PRKCA: variants seen among roughly 807,000 people sequenced by gnomAD.
PRKCA encodes the protein protein kinase C alpha, also known as protein kinase C alpha type.
A neutral mutation model predicts 87.0 loss-of-function variants in PRKCA; 27 were observed. The observed-to-expected ratio is 0.31, with a 90% CI of 0.23 to 0.43. The LOEUF is 0.43. PRKCA is among the 20% of genes least tolerant of loss of function. The pLI, the probability that PRKCA is intolerant of heterozygous loss-of-function variation, is 1.00. For missense variants in PRKCA, 518 were observed against 852.3 expected, an observed-to-expected ratio of 0.61 and a Z score of 4.88; for synonymous variants, 329 against 311.1, an observed-to-expected ratio of 1.06 and a Z score of -0.61.
intron 13 of PRKCA, among the ~76,000 whole-genome samples, chr17:66,753,731 G>T (rs1974486381): frequency 6.6e-6 from 1 of 152,138 alleles, no homozygotes; most frequent in Non-Finnish European, 1.5e-5. Context: ...GATCTGATAG[G>T]ATTAGTGTTC....
chr17:66,354,799 T>C (rs183908269), intron 2 of PRKCA, among the ~76,000 whole-genome samples: 1 of 152,212 alleles, frequency 6.6e-6, no homozygotes, highest in Non-Finnish European at 1.5e-5. Context: ...AATAAAGTAC[T>C]TTTTTTTCCT....
Position 66,803,744 on chromosome 17 carries a change from C to T in PRKCA, c.1855-129C>T, listed in dbSNP as rs112160620. The T allele has an allele frequency of 3.2e-4, 414 of 1,303,376 alleles. 4 individuals are homozygous for T. The African/African-American group carries it at 4.4e-3, about 14-fold the overall frequency. The allele number at this position is 1,303,376 out of a possible 1,614,324, so 80.7% of individuals were successfully genotyped here. A position where few individuals can be genotyped will look rare whatever the true frequency, so the allele number is the denominator to read the frequency against. ...CAATCCAATAGGCCTGCAAGTCCTCCGAGATTCCTCCTCCTAACCAGCCCG... is the reference window on the plus strand; with the variant it reads ...CAATCCAATAGGCCTGCAAGTCCTCTGAGATTCCTCCTCCTAACCAGCCCG... On this transcript the variant is annotated intron_variant, in intron 16 of 16. Transcript: ENST00000413366. This position sits in a 1 kb window ranked among gnomAD's most constrained non-coding sequence, Gnocchi z 4.4.
chr17:66,707,674 T>A (rs1973224312), intron 8 of PRKCA, among the ~76,000 whole-genome samples: 1 of 152,202 alleles, frequency 6.6e-6, no homozygotes, highest in Non-Finnish European at 1.5e-5. Context: ...TCCCTGGGGC[T>A]AGAGACAGAA....
intron 2 of PRKCA, among the ~76,000 whole-genome samples, chr17:66,457,721 G>C (rs777302030): frequency 2.0e-5 from 3 of 152,114 alleles, no homozygotes. Context: ...CTTGCTGCCA[G>C]CATGTGAAGA....
intron 2 of PRKCA, among the ~76,000 whole-genome samples, chr17:66,410,207 A>ATT (rs34604742): frequency 0.13 from 18,710 of 149,028 alleles, 1,481 homozygotes; most frequent in East Asian, 0.28. Context: ...ACCAACAGAG[A>ATT]TTTTTTTTTT....
At chr17:66,796,850 C>G in intron 16 of PRKCA, 1 of 985,408 alleles carries the variant, frequency 1.0e-6, no homozygotes, top group Non-Finnish European at 1.2e-6. Context: ...AGTGAGGGTT[C>G]CCCTACGATG....
intron 3 of PRKCA, among the ~76,000 whole-genome samples, chr17:66,559,655 A>T (rs1204750129): frequency 6.6e-6 from 1 of 152,030 alleles, no homozygotes. Context: ...TGATGGACTT[A>T]TAAGTCTTCA....
intron 10 of PRKCA, among the ~76,000 whole-genome samples, chr17:66,736,237 G>C (rs1168504708): frequency 6.6e-6 from 1 of 150,604 alleles, no homozygotes; most frequent in Non-Finnish European, 1.5e-5. Context: ...ACTGTGCTCA[G>C]ACTTTGGGAT....
chr17:66,640,522 T>C (rs561638483), intron 3 of PRKCA, among the ~76,000 whole-genome samples: 9 of 152,314 alleles, frequency 5.9e-5, no homozygotes, highest in Non-Finnish European at 1.0e-4. Context: ...AAGCATAAAA[T>C]ACTTTGGAGA....
intron 2 of PRKCA, among the ~76,000 whole-genome samples, chr17:66,414,174 A>G (rs566622363): frequency 5.9e-5 from 9 of 152,234 alleles, no homozygotes; most frequent in Admixed American, 5.2e-4. Context: ...CACATCTCAT[A>G]GGAATTGTGA....
Position 66,790,849 on chromosome 17 carries a change from C to T in PRKCA, c.1854+1870C>T, listed in dbSNP as rs190122218. Among the ~76,000 whole-genome samples the T allele has an allele frequency of 1.0e-3, 154 of 151,830 alleles. 2 individuals carry two copies. The highest frequency in any genetic ancestry group is 3.4e-3 in the Middle Eastern group (1 of 292). On this transcript the variant is annotated intron_variant, in intron 16 of 16. Transcript: ENST00000413366. ...CTCGGATATAGGGAAGACAACAGGG[C>T]GACTTGGCTCCGCAGGCAAGAATGT... is the stretch of plus-strand genomic sequence containing the variant.
intron 5 of PRKCA, among the ~76,000 whole-genome samples, chr17:66,673,177 A>C (rs1006360687): frequency 2.6e-5 from 4 of 152,218 alleles, no homozygotes; most frequent in Non-Finnish European, 5.9e-5. Context: ...TAATTGTAAA[A>C]GGGAAAGTAA....
chr17:66,745,861 C>T (rs532411600), intron 13 of PRKCA, among the ~76,000 whole-genome samples: 1 of 152,252 alleles, frequency 6.6e-6, no homozygotes, highest in East Asian at 1.9e-4. Flanking sequence ...GCCCAGGTCA[C>T]CTCCAAACCT....
At position 66,804,649 on chromosome 17, in the gene PRKCA, G is replaced by T. The variant is rs1306589343; in HGVS notation, c.*612G>T. ...CCCAACCATGGTCCAGCAGTTACCA[G>T]TTTAAACAAAAAAACCTCAGATGAG... On this transcript the variant is annotated 3_prime_UTR_variant, in exon 17 of 17. Coordinates refer to ENST00000413366, the MANE Select transcript of PRKCA (RefSeq NM_002737.3). The T allele has an allele frequency of 3.4e-5, 5 of 148,688 alleles. No homozygotes were observed. Among genetic ancestry groups the T allele is most frequent in the African/African-American group, 1.3e-4 (5 of 38,796 alleles). 9.2% of individuals were successfully genotyped at this position (148,688 alleles called of 1,614,324 possible). A position where few individuals can be genotyped will look rare whatever the true frequency, so the allele number is the denominator to read the frequency against.
chr17:66,765,540 TTA>T (rs1225187321), intron 13 of PRKCA, among the ~76,000 whole-genome samples: 2 of 145,286 alleles, frequency 1.4e-5, no homozygotes, highest in South Asian at 2.2e-4. Context: ...ATATATGTCT[TTA>T]TATATATATG....
intron 2 of PRKCA, among the ~76,000 whole-genome samples, chr17:66,493,444 G>T (rs184061571): frequency 3.9e-4 from 60 of 152,070 alleles, no homozygotes; most frequent in African/African-American, 1.1e-3. Flanking sequence ...TGAAAGGACG[G>T]GGGGCTGTGG....
At chr17:66,439,568 A>C (rs921113973) in intron 2 of PRKCA, among the ~76,000 whole-genome samples, 1 of 152,156 alleles carries the variant, frequency 6.6e-6, no homozygotes, top group African/African-American at 2.4e-5. Flanking sequence ...TCCTTTTCCA[A>C]AATACGTGTC....
intron 2 of PRKCA, among the ~76,000 whole-genome samples, chr17:66,333,956 A>T (rs1211928127): frequency 6.6e-6 from 1 of 152,186 alleles, no homozygotes; most frequent in African/African-American, 2.4e-5. Flanking sequence ...GTGCAAATAA[A>T]GTGTAAAAAA....
intron 2 of PRKCA, among the ~76,000 whole-genome samples, chr17:66,448,007 T>C (rs1567834102): frequency 6.6e-6 from 1 of 152,220 alleles, no homozygotes; most frequent in Non-Finnish European, 1.5e-5. Context: ...CAGGTAAGAC[T>C]GCCTTATTTG....
Sources: gnomAD v4.1 joint callset for allele counts (sites outside exome capture counted in the v4.1 genomes callset) on GRCh38, gnomAD v4.1.1 for gene constraint, Gnocchi (gnomAD v3.1) non-coding constraint, MANE v1.5 for transcripts, NCBI Gene and HGNC (gene_info 2026-07-23, HGNC 2026-07-21) for gene names.